Variants in CT45A1 observed in about 807,000 individuals in gnomAD.
The protein encoded by CT45A1 is cancer/testis antigen family 45 member A1.
At chrX:135,711,473 C>T (rs1307073115), upstream of CT45A1, among the ~76,000 whole-genome samples, 20 of 110,909 alleles carry the variant, frequency 1.8e-4, no homozygotes, top group Non-Finnish European at 2.6e-4. Flanking sequence ...CTCCCTTTGT[C>T]GCCCAGGCTG....
At chrX:135,711,998 T>C (rs2087936069), upstream of CT45A1, among the ~76,000 whole-genome samples, 1 of 109,161 alleles carries the variant, frequency 9.2e-6, no homozygotes, top group Non-Finnish European at 1.9e-5. Context: ...GGAGAATCAC[T>C]TGAACCTGGG....
chrX:135,715,065 T>G (rs1253009235), intron 1 of CT45A1, among the ~76,000 whole-genome samples: 1 of 105,639 alleles, frequency 9.5e-6, no homozygotes, highest in African/African-American at 3.4e-5. Context: ...CTATAAATCT[T>G]TTTTGCTTTT....
intron 1 of CT45A1, among the ~76,000 whole-genome samples, chrX:135,715,617 T>G (rs868962987): frequency 2.2e-4 from 21 of 94,545 alleles, no homozygotes; most frequent in African/African-American, 5.9e-4. Context: ...AATACTTATA[T>G]GTATATAATA....
At chrX:135,716,385 A>G (rs1556571569) in intron 1 of CT45A1, among the ~76,000 whole-genome samples, 1 of 111,639 alleles carries the variant, frequency 9.0e-6, no homozygotes, top group Admixed American at 9.6e-5. Flanking sequence ...GATATATTTG[A>G]TGTGATTATT....
chrX:135,717,548 CA>C (rs36094220), intron 1 of CT45A1, among the ~76,000 whole-genome samples: 20,670 of 102,704 alleles, frequency 0.2, 1,653 homozygotes, highest in Non-Finnish European at 0.25. Context: ...GGCTCCGACT[CA>C]AAAAAAAAAA....
intron 1 of CT45A1, among the ~76,000 whole-genome samples, chrX:135,715,234 T>TTATATATATAATACTTA (rs1241422109): frequency 0.039 from 2,724 of 70,227 alleles, 145 homozygotes; most frequent in Non-Finnish European, 0.053. Context: ...TATATAATAC[T>TTATATATATAATACTTA]TATATATATA....
intron 1 of CT45A1, among the ~76,000 whole-genome samples, chrX:135,715,038 T>C (rs1469567998): frequency 9.4e-6 from 1 of 106,598 alleles, no homozygotes; most frequent in Non-Finnish European, 1.9e-5. Flanking sequence ...AAAATACGTA[T>C]ACAATTTTAG....
chrX:135,716,511 T>C (rs2087989526), intron 1 of CT45A1, among the ~76,000 whole-genome samples: 1 of 111,559 alleles, frequency 9.0e-6, no homozygotes, highest in South Asian at 3.7e-4. Context: ...TGGATTCCAT[T>C]CATTTGTTGC....
intron 1 of CT45A1, among the ~76,000 whole-genome samples, chrX:135,717,378 G>A (rs200351204): frequency 2.7e-5 from 3 of 111,078 alleles, no homozygotes; most frequent in African/African-American, 9.8e-5. Flanking sequence ...GTGAAACCCC[G>A]TCTCTACTAA....
intron 1 of CT45A1, among the ~76,000 whole-genome samples, chrX:135,717,856 C>G (rs2088000925): frequency 9.0e-6 from 1 of 111,706 alleles, no homozygotes; most frequent in African/African-American, 3.3e-5. Context: ...ATGTACAGAA[C>G]AATGTCATCT....
At chrX:135,714,938 T>C (rs1487707816) in intron 1 of CT45A1, among the ~76,000 whole-genome samples, 2 of 107,367 alleles carry the variant, frequency 1.9e-5, no homozygotes, top group Non-Finnish European at 3.8e-5. Context: ...TTTACTGAGA[T>C]GTTTGTATTT....
At chrX:135,712,965 C>CTTTCTTTCT (rs2087945347), upstream of CT45A1, among the ~76,000 whole-genome samples, 1 of 65,413 alleles carries the variant, frequency 1.5e-5, no homozygotes, top group African/African-American at 5.7e-5. Context: ...TTCTTTCTTT[C>CTTTCTTTCT]TTTCTTTCTT....
At chrX:135,710,875 T>C (rs1176056649), upstream of CT45A1, among the ~76,000 whole-genome samples, 1 of 112,367 alleles carries the variant, frequency 8.9e-6, no homozygotes, top group Non-Finnish European at 1.9e-5. Context: ...CAGACGTCCT[T>C]GACAGAAATT....
chrX:135,713,898 C>T (rs1556570355), intron 1 of CT45A1, among the ~76,000 whole-genome samples: 2 of 107,035 alleles, frequency 1.9e-5, no homozygotes, highest in African/African-American at 6.9e-5. Flanking sequence ...CCTTGGGCAC[C>T]TCGTCTCAGC....
At chrX:135,709,762 T>C (rs1230127126), upstream of CT45A1, among the ~76,000 whole-genome samples, 1 of 111,348 alleles carries the variant, frequency 9.0e-6, no homozygotes, top group Non-Finnish European at 1.9e-5. Flanking sequence ...AAAAACTACC[T>C]ATTGGATGCT....
intron 1 of CT45A1, among the ~76,000 whole-genome samples, chrX:135,718,504 T>C (rs1239073083): frequency 1.2e-4 from 13 of 110,178 alleles, no homozygotes; most frequent in Non-Finnish European, 2.1e-4. Flanking sequence ...TAAATACTTA[T>C]ATATTAAATA....
intron 1 of CT45A1, among the ~76,000 whole-genome samples, chrX:135,715,402 ATACTTATATATAATACTTATATATAT>A (rs2087975857): frequency 1.3e-5 from 1 of 79,399 alleles, no homozygotes; most frequent in East Asian, 3.6e-4. Context: ...TATATATATA[ATACTTATATATAATACTTATATATAT>A]AATACTTATA....
At chrX:135,708,868 C>T (rs2087920630), upstream of CT45A1, among the ~76,000 whole-genome samples, 2 of 110,727 alleles carry the variant, frequency 1.8e-5, no homozygotes, top group South Asian at 7.7e-4. Flanking sequence ...CTACCTCCTG[C>T]GCAGTCAGCA....
chrX:135,714,965 G>A (rs1226019356), intron 1 of CT45A1, among the ~76,000 whole-genome samples: 1 of 105,781 alleles, frequency 9.5e-6, no homozygotes, highest in Non-Finnish European at 1.9e-5. Flanking sequence ...TGGATTTGTA[G>A]TTTCCATATA....
Sources: gnomAD v4.1 joint callset for allele counts (sites outside exome capture counted in the v4.1 genomes callset) on GRCh38, gnomAD v4.1.1 for gene constraint, MANE v1.5 for transcripts, NCBI Gene and HGNC (gene_info 2026-07-23, HGNC 2026-07-21) for gene names.